Variants in EPHA5 observed in about 807,000 individuals in gnomAD.
EPHA5 encodes the protein ephrin type-A receptor 5.
In EPHA5, 60 loss-of-function variants were observed where a neutral mutation model predicts 105.0. The observed-to-expected ratio is 0.57, with a 90% confidence interval of 0.46 to 0.71. The LOEUF (loss-of-function observed/expected upper bound fraction) is 0.71. Ranked by LOEUF, EPHA5 falls within the 30% of genes least tolerant of loss-of-function variation. The pLI is 0.00. For missense variants in EPHA5, 1,218 were observed against 1,274.7 expected (o/e 0.96, Z 0.68); for synonymous variants, 513 against 449.1 (o/e 1.14, Z -1.80).
At chr4:65,415,287 G>A (rs6823779) in intron 6 of EPHA5, among the ~76,000 whole-genome samples, 82,357 of 151,922 alleles carry the variant, frequency 0.54, 24,723 homozygotes, top group South Asian at 0.69. Flanking sequence ...CAGTAAAACT[G>A]GGTAGAGACT....
intron 2 of EPHA5, among the ~76,000 whole-genome samples, chr4:65,614,316 G>T (rs1745034962): frequency 6.6e-6 from 1 of 151,684 alleles, no homozygotes; most frequent in Admixed American, 6.6e-5. Flanking sequence ...TCTCATAACA[G>T]AAAACATACA....
chr4:65,339,909 G>T (rs1470962609), intron 14 of EPHA5, among the ~76,000 whole-genome samples: 1 of 152,142 alleles, frequency 6.6e-6, no homozygotes, highest in African/African-American at 2.4e-5. Context: ...ACAGACAGTG[G>T]CCCTGGCTGT....
At chr4:65,395,139 A>G (rs909185830) in intron 8 of EPHA5, among the ~76,000 whole-genome samples, 4 of 152,212 alleles carry the variant, frequency 2.6e-5, no homozygotes, top group Non-Finnish European at 5.9e-5. Context: ...TGTGCCAGGC[A>G]TGTAGCAAGA....
intron 3 of EPHA5, among the ~76,000 whole-genome samples, chr4:65,571,572 T>C (rs1490033671): frequency 6.6e-6 from 1 of 152,120 alleles, no homozygotes; most frequent in African/African-American, 2.4e-5. Flanking sequence ...AGAGGTTTGC[T>C]TCCTAAACAG....
At chr4:65,388,319 T>C (rs1162783734) in intron 8 of EPHA5, among the ~76,000 whole-genome samples, 1 of 151,918 alleles carries the variant, frequency 6.6e-6, no homozygotes, top group Non-Finnish European at 1.5e-5. Context: ...TTATAATCCT[T>C]TGGGTATATA....
At chr4:65,537,213 A>T (rs542555117) in intron 3 of EPHA5, among the ~76,000 whole-genome samples, 3 of 151,946 alleles carry the variant, frequency 2.0e-5, no homozygotes, top group Admixed American at 1.3e-4. Flanking sequence ...ATTCTTTGTA[A>T]CTCAACTGAG....
intron 3 of EPHA5, chr4:65,574,443 G>T (rs1740590010): frequency 2.6e-6 from 1 of 382,218 alleles, no homozygotes; most frequent in Admixed American, 4.7e-5. Flanking sequence ...TACTCTTGAG[G>T]CTCTACATTA....
chr4:65,451,670 T>A (rs1398057873), intron 5 of EPHA5, among the ~76,000 whole-genome samples: 1 of 152,168 alleles, frequency 6.6e-6, no homozygotes, highest in East Asian at 1.9e-4. Flanking sequence ...AACTAGATTT[T>A]TTTGTAAACT....
chr4:65,590,638 C>T (rs963872366), intron 3 of EPHA5, among the ~76,000 whole-genome samples: 6 of 152,026 alleles, frequency 3.9e-5, no homozygotes, highest in African/African-American at 1.4e-4. Flanking sequence ...CTATGAGTAG[C>T]ATAAATTGGA....
intron 3 of EPHA5, among the ~76,000 whole-genome samples, chr4:65,530,043 G>A (rs1479263229): frequency 6.6e-6 from 1 of 152,046 alleles, no homozygotes; most frequent in Admixed American, 6.6e-5. Flanking sequence ...ACAGGTGCCA[G>A]GTGAATACAG....
intron 3 of EPHA5, among the ~76,000 whole-genome samples, chr4:65,583,821 C>T (rs986178675): frequency 3.3e-5 from 5 of 151,484 alleles, no homozygotes; most frequent in African/African-American, 1.2e-4. Context: ...TGACATTATG[C>T]ATTTCCCAAA....
intron 8 of EPHA5, among the ~76,000 whole-genome samples, chr4:65,388,896 A>G (rs1048949148): frequency 6.6e-6 from 1 of 151,928 alleles, no homozygotes; most frequent in Non-Finnish European, 1.5e-5. Flanking sequence ...GCCCATGCCT[A>G]TGTCCTGAAT....
intron 8 of EPHA5, among the ~76,000 whole-genome samples, chr4:65,386,206 T>C (rs1338882666): frequency 6.6e-6 from 1 of 152,006 alleles, no homozygotes; most frequent in African/African-American, 2.4e-5. Context: ...AGCCTGTTCA[T>C]GCAATTTACA....
Position 65,335,106 on chromosome 4 carries a change from T to G in EPHA5, c.2789+826A>C, listed in dbSNP as rs74824417. ...CTTTCATAACTTTATTAACAAATTG[T>G]TTCTCATTTAGTCCATGCTAATAGG... is the stretch of plus-strand genomic sequence containing the variant. On this transcript the variant is annotated intron_variant, in intron 15 of 16. Transcript: ENST00000613740. Among the ~76,000 whole-genome samples, 841 of 152,086 alleles carry G rather than the reference T, an allele frequency of 5.5e-3. 12 individuals are homozygous for G. Among genetic ancestry groups the G allele is most frequent in the East Asian group, 0.029 (148 of 5,134 alleles).
intron 3 of EPHA5, among the ~76,000 whole-genome samples, chr4:65,589,681 AAAAT>A (rs982048200): frequency 6.6e-6 from 1 of 152,198 alleles, no homozygotes; most frequent in African/African-American, 2.4e-5. Flanking sequence ...AAGAGAATTT[AAAAT>A]AAATAAATAA....
chr4:65,606,244 T>C lies in EPHA5; in HGVS notation c.247-3940A>G, dbSNP rs894566110. On this transcript the variant is annotated intron_variant, in intron 2 of 16. Coordinates refer to ENST00000613740, the MANE Select transcript of EPHA5 (RefSeq NM_001281766.3). ...GCAGGCATGCATGATTTTCTTATCG[T>C]CAACTGTATCTTAGAGTCTGATACA... is the stretch of plus-strand genomic sequence containing the variant. Among the ~76,000 whole-genome samples, 5 of 152,310 alleles carry C rather than the reference T, an allele frequency of 3.3e-5. No individual in the cohort carries two copies. The South Asian group carries it at 1.0e-3, about 32-fold the overall frequency.
intron 11 of EPHA5, among the ~76,000 whole-genome samples, chr4:65,362,797 T>A (rs1186830076): frequency 1.3e-5 from 2 of 151,704 alleles, no homozygotes; most frequent in Non-Finnish European, 3.0e-5. Flanking sequence ...GTAATAAAGG[T>A]CTGTAAAATA....
chr4:65,630,170 A>G (rs1349013869), intron 2 of EPHA5, among the ~76,000 whole-genome samples: 1 of 152,008 alleles, frequency 6.6e-6, no homozygotes, highest in Non-Finnish European at 1.5e-5. Context: ...CTCTAAAATA[A>G]TCATTGGTCA....
intron 2 of EPHA5, among the ~76,000 whole-genome samples, chr4:65,637,115 A>T (rs1188854342): frequency 6.6e-6 from 1 of 152,082 alleles, no homozygotes; most frequent in Non-Finnish European, 1.5e-5. Flanking sequence ...TGTCTGTCAC[A>T]TATGTAACAG....
Sources: allele counts gnomAD v4.1 joint callset (sites outside exome capture counted in the v4.1 genomes callset), GRCh38; gene constraint gnomAD v4.1.1; transcripts MANE v1.5; gene names NCBI Gene and HGNC (gene_info 2026-07-23, HGNC 2026-07-21).